Variants in ROBO1 observed in about 807,000 individuals in gnomAD.
ROBO1 encodes roundabout guidance receptor 1, also known as roundabout homolog 1.
In ROBO1, 149 loss-of-function variants were observed where a neutral mutation model predicts 195.9. That is an observed-to-expected ratio of 0.76 (90% CI 0.67 to 0.87). ROBO1 has a LOEUF of 0.87. Ranked by LOEUF, ROBO1 falls within the 40% of genes least tolerant of loss-of-function variation. The pLI is 0.00. For synonymous variants in ROBO1, 816 were observed against 733.2 expected (o/e 1.11, Z -1.82); for missense variants, 1,933 against 2,068.3 (o/e 0.93, Z 1.27).
intron 2 of ROBO1, among the ~76,000 whole-genome samples, chr3:79,454,177 G>A (rs991771265): frequency 1.4e-5 from 2 of 144,932 alleles, no homozygotes; most frequent in African/African-American, 5.0e-5. Flanking sequence ...TTGCCACAGA[G>A]AGTTCACGGA....
chr3:79,626,045 C>T (rs1279509418), intron 1 of ROBO1, among the ~76,000 whole-genome samples: 3 of 152,036 alleles, frequency 2.0e-5, no homozygotes, highest in Non-Finnish European at 4.4e-5. Context: ...CAACATACCC[C>T]AATCAATAAA....
chr3:78,895,587 C>T (rs2037177914), intron 4 of ROBO1, among the ~76,000 whole-genome samples: 1 of 152,112 alleles, frequency 6.6e-6, no homozygotes, highest in South Asian at 2.1e-4. Context: ...AACTGGATGA[C>T]CAAACATAAA....
intron 2 of ROBO1, among the ~76,000 whole-genome samples, chr3:79,250,884 G>A (rs1268736258): frequency 6.6e-6 from 1 of 152,034 alleles, no homozygotes; most frequent in Non-Finnish European, 1.5e-5. Flanking sequence ...GAGAAACCAC[G>A]CCTCTACTAA....
At chr3:78,884,592 A>G (rs1451322608) in intron 4 of ROBO1, among the ~76,000 whole-genome samples, 2 of 147,606 alleles carry the variant, frequency 1.4e-5, no homozygotes, top group African/African-American at 5.2e-5. Flanking sequence ...AAAGGGAGAA[A>G]GAAAGAAAGA....
Position 78,922,070 on chromosome 3 carries a change from C to T in ROBO1, c.499+16531G>A, listed in dbSNP as rs146033749. Among the ~76,000 whole-genome samples the T allele has an allele frequency of 2.9e-3, 447 of 152,112 alleles. 6 individuals are homozygous for T. The highest frequency in any genetic ancestry group is 9.9e-3 in the African/African-American group (412 of 41,518). On this transcript the variant is annotated intron_variant, in intron 4 of 30. Transcript: ENST00000464233. ...CCCAAAGTGCTGGGATTACAGGCAG[C>T]TCTAACCATCTAAGAAATCAAATAT...
chr3:79,310,045 T>C (rs936226722), intron 2 of ROBO1, among the ~76,000 whole-genome samples: 1 of 152,144 alleles, frequency 6.6e-6, no homozygotes, highest in Non-Finnish European at 1.5e-5. Context: ...CAATCTAATA[T>C]GGGGCACACC....
intron 5 of ROBO1, among the ~76,000 whole-genome samples, chr3:78,726,890 G>A (rs964309150): frequency 3.3e-5 from 5 of 151,898 alleles, no homozygotes; most frequent in African/African-American, 1.2e-4. Flanking sequence ...CATCAAATTA[G>A]TAACAACAAC....
chr3:79,486,452 T>C (rs1177137096), intron 2 of ROBO1, among the ~76,000 whole-genome samples: 3 of 152,310 alleles, frequency 2.0e-5, no homozygotes, highest in East Asian at 1.9e-4. Context: ...TTTTAGTACA[T>C]ATCATGATCT....
chr3:79,670,506 A>G (rs1305825044), intron 1 of ROBO1, among the ~76,000 whole-genome samples: 1 of 151,782 alleles, frequency 6.6e-6, no homozygotes, highest in Non-Finnish European at 1.5e-5. Context: ...CATACTCTAA[A>G]CTTTACCTTT....
In ROBO1 at chr3:79,446,178, T is replaced by C. The variant is rs150053271; in HGVS notation, c.88+143646A>G. 2.3e-3 allele frequency among the ~76,000 whole-genome samples: 343 copies of C among 152,320 alleles called. 2 individuals are homozygous for C. Among genetic ancestry groups the C allele is most frequent in the African/African-American group, 7.7e-3 (321 of 41,578 alleles). On this transcript the variant is annotated intron_variant, in intron 2 of 30. Coordinates refer to ENST00000464233, the MANE Select transcript of ROBO1 (RefSeq NM_002941.4). The stretch of plus-strand genomic sequence containing the variant: ...TAAATATTCATTTTGCTTCTTATTT[T>C]ACCATTTGTATCCCTTTAATTTATA...
chr3:79,727,776 G>A (rs1212280299), intron 1 of ROBO1, among the ~76,000 whole-genome samples: 2 of 152,024 alleles, frequency 1.3e-5, no homozygotes, highest in Non-Finnish European at 2.9e-5. Flanking sequence ...TAAAATATTG[G>A]CCATGATTCT....
intron 3 of ROBO1, among the ~76,000 whole-genome samples, chr3:79,095,420 A>G (rs931776374): frequency 1.4e-4 from 22 of 152,022 alleles, no homozygotes; most frequent in African/African-American, 4.6e-4. Flanking sequence ...CTGCAGTCCT[A>G]TGGAGATTTC....
rs944107658 is a variant in ROBO1 at position 78,598,605 on chromosome 3, G to A, written c.*308C>T. On this transcript the variant is annotated 3_prime_UTR_variant, in exon 31 of 31. Coordinates refer to ENST00000464233, the MANE Select transcript of ROBO1 (RefSeq NM_002941.4). The stretch of plus-strand genomic sequence containing the variant: ...CTCAGCGGCAAAATGCAAAAGAACA[G>A]TTTTGTTCCCTCTTGCTGGCTGATG... 1 of 253,092 alleles carries A rather than the reference G, an allele frequency of 4.0e-6. No homozygotes were observed. Among genetic ancestry groups the A allele is most frequent in the Non-Finnish European group, 7.5e-6 (1 of 133,670 alleles). 15.7% of individuals were successfully genotyped at this position (253,092 alleles called of 1,614,324 possible).
intron 2 of ROBO1, among the ~76,000 whole-genome samples, chr3:79,273,020 C>G (rs532674444): frequency 6.6e-6 from 1 of 152,164 alleles, no homozygotes; most frequent in East Asian, 1.9e-4. Context: ...AACTATTCCT[C>G]AAGCCTGAAG....
chr3:79,766,488 G>A (rs1357219773), intron 1 of ROBO1, among the ~76,000 whole-genome samples: 1 of 151,718 alleles, frequency 6.6e-6, no homozygotes, highest in Non-Finnish European at 1.5e-5. Flanking sequence ...CAGGATTTTA[G>A]CGGCCAGGTG....
intron 4 of ROBO1, among the ~76,000 whole-genome samples, chr3:78,861,352 ATCCTAGCT>A (rs2034825480): frequency 1.3e-5 from 2 of 152,072 alleles, no homozygotes; most frequent in African/African-American, 4.8e-5. Flanking sequence ...TACCGGCACA[ATCCTAGCT>A]TCTAATACGC....
intron 4 of ROBO1, among the ~76,000 whole-genome samples, chr3:78,896,733 A>T (rs1304902557): frequency 6.7e-6 from 1 of 150,024 alleles, no homozygotes; most frequent in Non-Finnish European, 1.5e-5. Flanking sequence ...TCTAAATTTT[A>T]AAATATTGAT....
intron 4 of ROBO1, among the ~76,000 whole-genome samples, chr3:78,847,155 CTCTTAGAT>C (rs1283558211): frequency 6.6e-6 from 1 of 152,044 alleles, no homozygotes; most frequent in East Asian, 1.9e-4. Context: ...AGGGGAAATC[CTCTTAGAT>C]TCTTAAAGAT....
chr3:78,755,142 G>C (rs1239953244), intron 4 of ROBO1, among the ~76,000 whole-genome samples: 1 of 152,130 alleles, frequency 6.6e-6, no homozygotes, highest in African/African-American at 2.4e-5. Flanking sequence ...GTTCATTCTA[G>C]CTGCTCTGTG....
Sources: allele counts gnomAD v4.1 joint callset (sites outside exome capture counted in the v4.1 genomes callset), GRCh38; gene constraint gnomAD v4.1.1; transcripts MANE v1.5; gene names NCBI Gene and HGNC (gene_info 2026-07-23, HGNC 2026-07-21).